GRIK4: variants seen among roughly 807,000 people sequenced by gnomAD.
GRIK4 encodes glutamate receptor ionotropic, kainate 4.
GRIK4 carries 40 observed loss-of-function variants against 104.9 expected under a neutral mutation model. That is an observed-to-expected ratio of 0.38 (90% confidence interval 0.30 to 0.50). GRIK4 has a LOEUF of 0.50. Among genes scored for constraint, GRIK4 ranks in the 20% least tolerant of loss-of-function variants. GRIK4 has a pLI of 0.93. For missense variants in GRIK4, 1,047 were observed against 1,308.1 expected (o/e 0.80, Z 3.08); for synonymous variants, 485 against 524.9 (o/e 0.92, Z 1.04).
chr11:120,612,319 G>A (rs1324511976), intron 1 of GRIK4, among the ~76,000 whole-genome samples: 1 of 152,152 alleles, frequency 6.6e-6, no homozygotes, highest in African/African-American at 2.4e-5. Context: ...TAGTGTGGAA[G>A]CCTGTTCAGC....
intron 6 of GRIK4, among the ~76,000 whole-genome samples, chr11:120,824,937 G>A (rs1953218947): frequency 6.7e-6 from 1 of 149,112 alleles, no homozygotes. Flanking sequence ...TTGTTTGTTT[G>A]TTTTTGAGAC....
intron 6 of GRIK4, among the ~76,000 whole-genome samples, chr11:120,826,142 A>G (rs1169130000): frequency 6.6e-6 from 1 of 152,218 alleles, no homozygotes; most frequent in Non-Finnish European, 1.5e-5. Context: ...ATAACTCATG[A>G]TAACCGTATA....
At chr11:120,556,945 A>AC (rs1280126758) in intron 1 of GRIK4, among the ~76,000 whole-genome samples, 1 of 151,500 alleles carries the variant, frequency 6.6e-6, no homozygotes, top group Non-Finnish European at 1.5e-5. Flanking sequence ...CTCCCTCCTG[A>AC]CAGCGGGCAG....
chr11:120,572,049 C>A (rs901599791), intron 1 of GRIK4, among the ~76,000 whole-genome samples: 1 of 152,220 alleles, frequency 6.6e-6, no homozygotes, highest in Non-Finnish European at 1.5e-5. Flanking sequence ...GCAGGGAAAT[C>A]CACGATCAAG....
At chr11:120,581,116 A>C (rs1002663677) in intron 1 of GRIK4, among the ~76,000 whole-genome samples, 1 of 152,008 alleles carries the variant, frequency 6.6e-6, no homozygotes, top group Non-Finnish European at 1.5e-5. Flanking sequence ...ATTGGTTGTT[A>C]TTATTGCATT....
chr11:120,960,209 G>A (rs949789087), intron 16 of GRIK4, among the ~76,000 whole-genome samples: 9 of 152,102 alleles, frequency 5.9e-5, no homozygotes, highest in Non-Finnish European at 1.2e-4. Flanking sequence ...CATGCCTATA[G>A]TTTCAGCTAC....
Position 120,819,783 on chromosome 11 carries a change from A to T in GRIK4, c.374A>T (p.Glu125Val), listed in dbSNP as rs1335889303. ...CCTCACTTCAAAGTGGCCCCAGAGG[A>T]GTTCGTCAAGTTCCAGTTCCAGAGA... is the stretch of plus-strand genomic sequence containing the variant. ...EVPHFKVAPE[E>V]FVKFQFQRFT... The change falls in exon 6 of 21, where the codon GAG becomes GTG. Residue 125 changes from glutamate to valine, a missense_variant. Physicochemically the swap from Glu to Val is moderately radical, Grantham distance 121. Coordinates refer to ENST00000527524, the MANE Select transcript of GRIK4 (RefSeq NM_014619.5). This position sits in a 1 kb window ranked among gnomAD's most constrained non-coding sequence, Gnocchi z 4.3. 6.2e-7 allele frequency: 1 copy of T among 1,614,028 alleles called. No individual in the cohort carries two copies. The highest frequency in any genetic ancestry group is 1.1e-5 in the South Asian group (1 of 91,068).
chr11:120,870,025 C>A (rs1190311742), intron 9 of GRIK4: 1 of 152,254 alleles, frequency 6.6e-6, no homozygotes, highest in South Asian at 2.1e-4. Flanking sequence ...GTCCAAGCAT[C>A]CCAACCAGAC....
At chr11:120,861,382 A>G (rs1056308643) in intron 8 of GRIK4, among the ~76,000 whole-genome samples, 1 of 152,150 alleles carries the variant, frequency 6.6e-6, no homozygotes, top group African/African-American at 2.4e-5. Flanking sequence ...TGCTGGGATT[A>G]TGAGCGTGAG....
chr11:120,515,864 C>A (rs1027680270), intron 1 of GRIK4, among the ~76,000 whole-genome samples: 1 of 152,148 alleles, frequency 6.6e-6, no homozygotes, highest in Non-Finnish European at 1.5e-5. Context: ...ATCAATGTAA[C>A]ATTGTATTGA....
intron 3 of GRIK4, among the ~76,000 whole-genome samples, chr11:120,752,502 AG>A (rs1483373484): frequency 6.6e-6 from 1 of 152,198 alleles, no homozygotes; most frequent in Admixed American, 6.5e-5. Context: ...TGGGAAATGG[AG>A]AGATCCACCC....
chr11:120,983,552 C>G (rs1413483747), intron 20 of GRIK4, among the ~76,000 whole-genome samples: 1 of 152,220 alleles, frequency 6.6e-6, no homozygotes, highest in Non-Finnish European at 1.5e-5. Context: ...GCACCCAGCT[C>G]TCTTGGTTCC....
At chr11:120,908,485 A>T (rs1431346761) in intron 13 of GRIK4, among the ~76,000 whole-genome samples, 1 of 152,142 alleles carries the variant, frequency 6.6e-6, no homozygotes, top group Non-Finnish European at 1.5e-5. Flanking sequence ...TTTGGCATAC[A>T]GGAAGTATGA....
intron 1 of GRIK4, among the ~76,000 whole-genome samples, chr11:120,551,535 C>G (rs905903397): frequency 6.6e-6 from 1 of 152,152 alleles, no homozygotes; most frequent in Non-Finnish European, 1.5e-5. Context: ...AATCCCAGCA[C>G]TTTGGGAGGC....
At chr11:120,753,840 T>C (rs192564798) in intron 3 of GRIK4, among the ~76,000 whole-genome samples, 9 of 152,252 alleles carry the variant, frequency 5.9e-5, no homozygotes, top group Admixed American at 4.6e-4. Flanking sequence ...AAGTGCACAG[T>C]GTAATGGTTT....
intron 13 of GRIK4, among the ~76,000 whole-genome samples, chr11:120,917,830 G>C (rs1943144761): frequency 6.6e-6 from 1 of 152,186 alleles, no homozygotes; most frequent in South Asian, 2.1e-4. Context: ...TCAGTTCTTG[G>C]GAATTATTTC....
At chr11:120,793,685 G>A (rs1952446981) in intron 3 of GRIK4, among the ~76,000 whole-genome samples, 1 of 152,070 alleles carries the variant, frequency 6.6e-6, no homozygotes, top group Non-Finnish European at 1.5e-5. Flanking sequence ...GTAGGGTGAC[G>A]GTTTGAGGTG....
intron 1 of GRIK4, among the ~76,000 whole-genome samples, chr11:120,590,068 G>A (rs909979048): frequency 6.6e-6 from 1 of 152,188 alleles, no homozygotes; most frequent in Non-Finnish European, 1.5e-5. Context: ...GTCTGGAGCT[G>A]GGAAGGAGGG....
chr11:120,744,187 T>C (rs1243501190), intron 3 of GRIK4, among the ~76,000 whole-genome samples: 1 of 152,194 alleles, frequency 6.6e-6, no homozygotes, highest in Non-Finnish European at 1.5e-5. Context: ...GGAATGGGGC[T>C]GGCAGGAACA....
Sources: allele counts gnomAD v4.1 joint callset (sites outside exome capture counted in the v4.1 genomes callset), GRCh38; gene constraint gnomAD v4.1.1; non-coding constraint Gnocchi (gnomAD v3.1); transcripts MANE v1.5; gene names NCBI Gene and HGNC (gene_info 2026-07-23, HGNC 2026-07-21).